The following PARD3 variants were observed in gnomAD, a reference collection of about 807,000 sequenced individuals.
PARD3 encodes par-3 family cell polarity regulator.
A neutral mutation model predicts 155.4 loss-of-function variants in PARD3; 75 were observed. The observed-to-expected ratio is 0.48, with a 90% CI of 0.40 to 0.58. The LOEUF (loss-of-function observed/expected upper bound fraction) is 0.58, where lower values mean the gene tolerates loss of function less well. Ranked by LOEUF, PARD3 falls within the 20% of genes least tolerant of loss-of-function variation. The pLI is 0.00. For missense variants in PARD3, 1,642 were observed against 1,721.7 expected (o/e 0.95, Z 0.82); for synonymous variants, 576 against 610.5 (o/e 0.94, Z 0.83).
intron 2 of PARD3, among the ~76,000 whole-genome samples, chr10:34,546,531 G>A (rs911797429): frequency 1.6e-5 from 2 of 122,292 alleles, no homozygotes. Flanking sequence ...AAAAAAAAGT[G>A]GAATTTTGTT....
At chr10:34,359,408 A>G (rs1176821328) in intron 13 of PARD3, 91 bp from the exon 14 acceptor site, 1 of 965,130 alleles carries the variant, frequency 1.0e-6, no homozygotes. Context: ...AAATAAAAAC[A>G]AAGCAAAAAA....
In PARD3 at chr10:34,360,220, T is replaced by C. The variant is rs748406412; in HGVS notation, c.1747A>G (p.Thr583Ala). The change falls in exon 13 of 25, where the codon ACC becomes GCC. Residue 583 changes from threonine (T) to alanine (A), a missense_variant. Around this residue, in one of 3 missense-constraint regions of PARD3, gnomAD observed 1,529 missense variants for 1,587.3 expected, o/e 0.96. Transcript: ENST00000374788. Reference protein sequence around the residue: ...DEDIVLTPDGTREFLTFEVPL... With the variant: ...DEDIVLTPDGAREFLTFEVPL... The stretch of plus-strand genomic sequence containing the variant: ...ACTTCAAATGTCAGAAATTCCCTGG[T>C]GCCATCAGGTGTAAGAACAATATCC... 7 of 1,613,798 alleles carry C rather than the reference T, an allele frequency of 4.3e-6. No homozygotes were observed. The Admixed American group carries it at 1.0e-4, about 23-fold the overall frequency.
intron 2 of PARD3, among the ~76,000 whole-genome samples, chr10:34,564,080 A>G (rs1285694449): frequency 6.6e-6 from 1 of 152,230 alleles, no homozygotes; most frequent in Non-Finnish European, 1.5e-5. Context: ...CATACCTGCT[A>G]GCAGTTACTT....
intron 2 of PARD3, among the ~76,000 whole-genome samples, chr10:34,647,213 T>C (rs913590237): frequency 6.6e-6 from 1 of 152,326 alleles, no homozygotes; most frequent in African/African-American, 2.4e-5. Flanking sequence ...CAATGTTCAT[T>C]ATTTATTATA....
At chr10:34,563,587 A>G (rs1481632338) in intron 2 of PARD3, among the ~76,000 whole-genome samples, 1 of 150,990 alleles carries the variant, frequency 6.6e-6, no homozygotes, top group East Asian at 1.9e-4. Flanking sequence ...ATGGAGTGCA[A>G]TGGTATGATA....
chr10:34,522,205 G>C (rs1415182772), intron 2 of PARD3, among the ~76,000 whole-genome samples: 1 of 152,206 alleles, frequency 6.6e-6, no homozygotes, highest in African/African-American at 2.4e-5. Flanking sequence ...TGCGGCCAGA[G>C]AGAAACGTGA....
chr10:34,241,722 G>A (rs1953609273), intron 22 of PARD3, among the ~76,000 whole-genome samples: 1 of 152,128 alleles, frequency 6.6e-6, no homozygotes, highest in South Asian at 2.1e-4. Flanking sequence ...GAGCCTGTGG[G>A]AGTAATAGGG....
At chr10:34,370,203 A>G (rs989715595) in intron 12 of PARD3, among the ~76,000 whole-genome samples, 2 of 152,222 alleles carry the variant, frequency 1.3e-5, no homozygotes, top group African/African-American at 4.8e-5. Flanking sequence ...ATTAGAAAAA[A>G]AAGTCCAAGC....
At chr10:34,736,669 T>A (rs551939846) in intron 1 of PARD3, among the ~76,000 whole-genome samples, 2,334 of 151,136 alleles carry the variant, frequency 0.015, 53 homozygotes, top group African/African-American at 0.044. Context: ...TTTATTTATT[T>A]ATTTATTTAT....
chr10:34,136,620 A>G (rs1330698804), intron 22 of PARD3, among the ~76,000 whole-genome samples: 1 of 152,204 alleles, frequency 6.6e-6, no homozygotes, highest in Non-Finnish European at 1.5e-5. Context: ...CATTGTTCAG[A>G]AGGCAGAGAT....
At chr10:34,324,892 C>T (rs923338791) in intron 19 of PARD3, among the ~76,000 whole-genome samples, 6 of 152,196 alleles carry the variant, frequency 3.9e-5, no homozygotes, top group Non-Finnish European at 5.9e-5. Flanking sequence ...CAGAAATTAG[C>T]TCCTTGCCCT....
intron 22 of PARD3, among the ~76,000 whole-genome samples, chr10:34,261,768 G>C (rs148476860): frequency 0.45 from 58,978 of 129,892 alleles, 13,638 homozygotes; most frequent in Middle Eastern, 0.59. Flanking sequence ...AAGGAAGGAA[G>C]GAAGAAAGAA....
chr10:34,495,664 T>C (rs955749140), intron 3 of PARD3, among the ~76,000 whole-genome samples: 1 of 152,114 alleles, frequency 6.6e-6, no homozygotes, highest in Non-Finnish European at 1.5e-5. Context: ...TGAAACACAC[T>C]GTCACAGCAG....
intron 22 of PARD3, among the ~76,000 whole-genome samples, chr10:34,248,623 C>T (rs1281932161): frequency 6.6e-6 from 1 of 152,196 alleles, no homozygotes; most frequent in African/African-American, 2.4e-5. Flanking sequence ...AATCCAATGC[C>T]TCATGCTCTG....
rs142307338 is a variant in PARD3 at position 34,734,322 on chromosome 10, C to CTT, written c.121-37905_121-37904dup. Among the ~76,000 whole-genome samples, 37 of 68,004 alleles carry CTT rather than the reference C, an allele frequency of 5.4e-4. 2 individuals are homozygous for CTT. Among genetic ancestry groups the CTT allele is most frequent in the East Asian group, 2.7e-3 (5 of 1,866 alleles). 44.6% of individuals were successfully genotyped at this position (68,004 alleles called of 152,430 possible). On this transcript the variant is annotated intron_variant, in intron 1 of 24. Coordinates refer to ENST00000374788, the MANE Select transcript of PARD3 (RefSeq NM_001184785.2). ...ACACATATAACAAATATATGGGGCC[C>CTT]TTTTTTTTTTTTTTTTTTTTTTTTT...
At chr10:34,349,670 C>T (rs954738001) in intron 14 of PARD3, among the ~76,000 whole-genome samples, 1 of 143,350 alleles carries the variant, frequency 7.0e-6, no homozygotes, top group Admixed American at 6.9e-5. Flanking sequence ...TTAACACACA[C>T]ACTAAAAAGT....
intron 5 of PARD3, among the ~76,000 whole-genome samples, chr10:34,416,136 T>TA (rs1173343941): frequency 5.9e-5 from 9 of 152,146 alleles, no homozygotes; most frequent in Non-Finnish European, 8.8e-5. Context: ...AGCTACTTAA[T>TA]AATAGGACAC....
chr10:34,177,003 TGTG>T (rs1950060854), intron 22 of PARD3, among the ~76,000 whole-genome samples: 2 of 151,408 alleles, frequency 1.3e-5, no homozygotes, highest in South Asian at 4.2e-4. Context: ...GTGTGTGTGG[TGTG>T]GTGTACATGT....
rs536747636 is a variant in PARD3, at chr10:34,121,891, C to T, written c.3541-2151G>A. Among the ~76,000 whole-genome samples, 15 of 152,322 alleles carry T rather than the reference C, an allele frequency of 9.8e-5. No homozygotes were observed. The South Asian group carries it at 3.1e-3, about 32-fold the overall frequency. On this transcript the variant is annotated intron_variant, in intron 23 of 24. Coordinates refer to ENST00000374788, the MANE Select transcript of PARD3 (RefSeq NM_001184785.2). The stretch of plus-strand genomic sequence containing the variant: ...CCGTTCAAATAACACATCAGTGAGG[C>T]CTTCAGCAAGAAAAACACTTCGCTG...
Sources: gnomAD v4.1 joint callset for allele counts (sites outside exome capture counted in the v4.1 genomes callset) on GRCh38, gnomAD v4.1.1 for gene constraint, gnomAD v4.1.1 regional missense constraint, MANE v1.5 for transcripts, NCBI Gene and HGNC (gene_info 2026-07-23, HGNC 2026-07-21) for gene names.